PRKCQ: variants seen among roughly 807,000 people sequenced by gnomAD.
PRKCQ encodes protein kinase C theta.
PRKCQ carries 41 observed loss-of-function variants against 91.2 expected under a neutral mutation model. The observed-to-expected ratio is 0.45, with a 90% confidence interval of 0.35 to 0.58. The LOEUF (loss-of-function observed/expected upper bound fraction) is 0.58. Among genes scored for constraint, PRKCQ ranks in the 20% least tolerant of loss-of-function variants. The pLI, the probability that PRKCQ is intolerant of heterozygous loss-of-function variation, is 0.00. For missense variants in PRKCQ, 673 were observed against 896.5 expected (o/e 0.75, Z 3.18); for synonymous variants, 307 against 316.9 (o/e 0.97, Z 0.33).
At chr10:6,530,265 TCAGA>T (rs1839344611) in intron 1 of PRKCQ, among the ~76,000 whole-genome samples, 1 of 152,102 alleles carries the variant, frequency 6.6e-6, no homozygotes, top group Non-Finnish European at 1.5e-5. Context: ...GAACTTGGCG[TCAGA>T]GTCAGAGCAA....
intron 15 of PRKCQ, among the ~76,000 whole-genome samples, chr10:6,451,810 G>C (rs1027038896): frequency 2.0e-5 from 3 of 152,178 alleles, no homozygotes; most frequent in Admixed American, 2.0e-4. Context: ...CATATAAACA[G>C]AGCCAAAGAC....
At chr10:6,418,288 T>G in the PRKCQ span, among the ~76,000 whole-genome samples, 1 of 152,188 alleles carries the variant, frequency 6.6e-6, no homozygotes, top group East Asian at 1.9e-4. Flanking sequence ...TTTCTTGACA[T>G]TCTTCTCTTG....
intron 1 of PRKCQ, among the ~76,000 whole-genome samples, chr10:6,569,720 G>C (rs1840964905): frequency 6.6e-6 from 1 of 152,172 alleles, no homozygotes. Context: ...TATGGAGATA[G>C]GGGAGACAGA....
In PRKCQ at chr10:6,452,653, C is replaced by G. The variant is rs556395016; in HGVS notation, c.1647+4021G>C. On this transcript the variant is annotated intron_variant, in intron 15 of 17. Transcript: ENST00000263125. ...CAAAAGAACAAAGCTGGAAGCATCA[C>G]GCTACCTGACTTCAAACTATACTAC... Among the ~76,000 whole-genome samples, 268 of 140,860 alleles carry G rather than the reference C, an allele frequency of 1.9e-3. 2 individuals carry two copies. Among genetic ancestry groups the G allele is most frequent in the African/African-American group, 6.9e-3 (257 of 36,980 alleles). 92.4% of individuals were successfully genotyped at this position (140,860 alleles called of 152,430 possible). A position where few individuals can be genotyped will look rare whatever the true frequency, so the allele number is the denominator to read the frequency against.
intron 1 of PRKCQ, among the ~76,000 whole-genome samples, chr10:6,579,314 C>T (rs1841361379): frequency 6.6e-6 from 1 of 152,178 alleles, no homozygotes; most frequent in African/African-American, 2.4e-5. Flanking sequence ...CCTAGTCCCC[C>T]TCAGCCTGTG....
the PRKCQ span, among the ~76,000 whole-genome samples, chr10:6,418,635 A>G: frequency 6.6e-6 from 1 of 152,226 alleles, no homozygotes; most frequent in African/African-American, 2.4e-5. Flanking sequence ...CCATAGAGTC[A>G]GAGGGAAGCC....
At chr10:6,514,919 C>T in intron 2 of PRKCQ, 99 bp downstream of exon 2, 1 of 1,576,524 alleles carries the variant, frequency 6.3e-7, no homozygotes, top group Non-Finnish European at 8.6e-7. Context: ...TTTGGTTCCA[C>T]CAGATGATGT....
At chr10:6,474,660 C>G (rs566301197) in intron 12 of PRKCQ, among the ~76,000 whole-genome samples, 1 of 152,210 alleles carries the variant, frequency 6.6e-6, no homozygotes, top group African/African-American at 2.4e-5. Context: ...AAGAGGGAAA[C>G]TGTTTCAGTG....
rs762729224 is a variant in PRKCQ, at chr10:6,442,096, G to A, written c.1648-15C>T. The A allele has an allele frequency of 1.2e-6, 2 of 1,603,430 alleles. No individual in the cohort carries two copies. Among genetic ancestry groups the A allele is most frequent in the African/African-American group, 2.7e-5 (2 of 74,740 alleles). On this transcript the variant is annotated splice_polypyrimidine_tract_variant and intron_variant, in intron 15 of 17. Coordinates refer to ENST00000263125, the MANE Select transcript of PRKCQ (RefSeq NM_006257.5). ...CCCAGCAAGATCTGCACAACCAAAA[G>A]GCAGACAGGAAATTAACAGGAATGA... is the stretch of plus-strand genomic sequence containing the variant.
Position 6,465,233 on chromosome 10 carries a change from C to T in PRKCQ, c.1354-829G>A, listed in dbSNP as rs187706853. Among the ~76,000 whole-genome samples, 809 of 152,226 alleles carry T rather than the reference C, an allele frequency of 5.3e-3. 7 individuals carry two copies. The highest frequency in any genetic ancestry group is 0.02 in the Middle Eastern group (6 of 294). ...GGGCGGGTCATGTCAGTCATTCCTC[C>T]CTGAAGCTTGCAATCAAGTTTAACC... On this transcript the variant is annotated intron_variant, in intron 12 of 17. Transcript: ENST00000263125. The surrounding 1 kb of genome is among the most constrained non-coding windows in gnomAD (Gnocchi z 4.4).
the PRKCQ span, among the ~76,000 whole-genome samples, chr10:6,416,936 T>C: frequency 2.6e-5 from 4 of 152,244 alleles, no homozygotes; most frequent in Non-Finnish European, 5.9e-5. Context: ...ATGATTCTTC[T>C]TCTTATTTCA....
At chr10:6,537,337 T>C (rs1324926159) in intron 1 of PRKCQ, among the ~76,000 whole-genome samples, 1 of 152,190 alleles carries the variant, frequency 6.6e-6, no homozygotes, top group African/African-American at 2.4e-5. Context: ...TCAAAGTGTT[T>C]TCAAGTTCCA....
the PRKCQ span, among the ~76,000 whole-genome samples, chr10:6,399,001 T>TCTGC: frequency 2.6e-5 from 4 of 152,204 alleles, no homozygotes; most frequent in South Asian, 8.3e-4. Flanking sequence ...ACTCAAGCAA[T>TCTGC]CTGCCTGCCT....
intron 15 of PRKCQ, among the ~76,000 whole-genome samples, chr10:6,455,870 G>A (rs555580091): frequency 4.9e-4 from 74 of 152,248 alleles, no homozygotes; most frequent in Non-Finnish European, 7.2e-4. Flanking sequence ...CAATTATTTC[G>A]AAATGAAAAT....
chr10:6,503,664 C>G (rs552556556), intron 4 of PRKCQ, among the ~76,000 whole-genome samples: 100 of 143,418 alleles, frequency 7.0e-4, no homozygotes, highest in African/African-American at 2.3e-3. Flanking sequence ...CATTTTCCTC[C>G]TCTTTCCATA....
Position 6,430,944 on chromosome 10 carries a change from A to AG in PRKCQ, c.1837-7dup. 1.9e-6 allele frequency: 3 copies of AG among 1,613,704 alleles called. No individual in the cohort carries two copies. Among genetic ancestry groups the AG allele is most frequent in the Non-Finnish European group, 2.5e-6 (3 of 1,179,794 alleles). On this transcript the variant is annotated splice_polypyrimidine_tract_variant and splice_region_variant and intron_variant, in intron 16 of 17. Coordinates refer to ENST00000263125, the MANE Select transcript of PRKCQ (RefSeq NM_006257.5). The surrounding 1 kb of genome is among the most constrained non-coding windows in gnomAD (Gnocchi z 4.7). ...TCAGGTTCTCGCACGAAGAGCTGAA[A>AG]GGGAGCAGAGCAGGAGCCCTGAGGT...
At chr10:6,481,996 CTTT>C (rs143551186) in intron 11 of PRKCQ, among the ~76,000 whole-genome samples, 3 of 141,844 alleles carry the variant, frequency 2.1e-5, no homozygotes, top group Non-Finnish European at 1.5e-5. Context: ...CTCACCTCCC[CTTT>C]TTTTTTTTTT....
At chr10:6,568,097 G>A (rs1232609664) in intron 1 of PRKCQ, among the ~76,000 whole-genome samples, 2 of 152,050 alleles carry the variant, frequency 1.3e-5, no homozygotes, top group Non-Finnish European at 2.9e-5. Flanking sequence ...AGTTATCCAG[G>A]CATGGTGCTG....
At chr10:6,482,345 C>T (rs535075193) in intron 11 of PRKCQ, among the ~76,000 whole-genome samples, 1 of 152,050 alleles carries the variant, frequency 6.6e-6, no homozygotes, top group East Asian at 1.9e-4. Context: ...AACTGTAATC[C>T]CAGCTACTAG....
Sources: gnomAD v4.1 joint callset for allele counts (sites outside exome capture counted in the v4.1 genomes callset) on GRCh38, gnomAD v4.1.1 for gene constraint, Gnocchi (gnomAD v3.1) non-coding constraint, MANE v1.5 for transcripts, NCBI Gene and HGNC (gene_info 2026-07-23, HGNC 2026-07-21) for gene names.